The following ARID1B variants were observed in gnomAD, a reference collection of about 807,000 sequenced individuals.
ARID1B encodes the protein AT-rich interaction domain 1B, also known as AT-rich interactive domain-containing protein 1B.
A neutral mutation model predicts 212.3 loss-of-function variants in ARID1B; 30 were observed. That is an observed-to-expected ratio of 0.14 (90% CI 0.11 to 0.19). The LOEUF is 0.19. Ranked by LOEUF, ARID1B falls within the 10% of genes least tolerant of loss-of-function variation. The pLI is 1.00. For missense variants in ARID1B, 2,891 were observed against 3,204.0 expected (o/e 0.90, Z 2.36); for synonymous variants, 1,402 against 1,301.7 (o/e 1.08, Z -1.66).
intron 4 of ARID1B, among the ~76,000 whole-genome samples, chr6:156,950,342 T>C (rs1372895721): frequency 6.6e-6 from 1 of 152,222 alleles, no homozygotes; most frequent in Non-Finnish European, 1.5e-5. Flanking sequence ...CCATGAAGGA[T>C]AACACAGGTC....
chr6:156,854,576 C>G (rs1784786515), intron 2 of ARID1B, among the ~76,000 whole-genome samples: 1 of 152,196 alleles, frequency 6.6e-6, no homozygotes, highest in Non-Finnish European at 1.5e-5. Context: ...TCAAAATTGA[C>G]AAAATTGTCT....
chr6:156,907,176 C>T (rs1789465890), intron 3 of ARID1B, among the ~76,000 whole-genome samples: 1 of 152,150 alleles, frequency 6.6e-6, no homozygotes, highest in Admixed American at 6.5e-5. Flanking sequence ...TGAAGGCTTC[C>T]AGCATTTTGT....
intron 4 of ARID1B, among the ~76,000 whole-genome samples, chr6:157,028,373 A>G (rs1780799169): frequency 6.6e-6 from 1 of 152,236 alleles, no homozygotes; most frequent in Admixed American, 6.5e-5. Context: ...AAAATCAATC[A>G]TGTAGAAATA....
intron 2 of ARID1B, among the ~76,000 whole-genome samples, chr6:156,873,751 C>T (rs769216888): frequency 3.3e-5 from 5 of 152,188 alleles, no homozygotes; most frequent in African/African-American, 4.8e-5. Context: ...AAGGATGGCC[C>T]GGTCTTCCCC....
intron 5 of ARID1B, among the ~76,000 whole-genome samples, chr6:157,101,780 C>T (rs1027532652): frequency 5.9e-5 from 9 of 152,032 alleles, no homozygotes; most frequent in African/African-American, 1.7e-4. Context: ...AGTCAGCTAA[C>T]GTAGGAAAAT....
rs748312179 is a variant in ARID1B at position 157,208,985 on chromosome 6, T to C, written c.*1094T>C. 1.3e-5 allele frequency: 3 copies of C among 230,080 alleles called. No individual in the cohort carries two copies. The highest frequency in any genetic ancestry group is 2.6e-5 in the Non-Finnish European group (3 of 116,320). The allele number at this position is 230,080 out of a possible 1,614,324, so 14.3% of individuals were successfully genotyped here. A position where few individuals can be genotyped will look rare whatever the true frequency, so the allele number is the denominator to read the frequency against. On this transcript the variant is annotated 3_prime_UTR_variant, in exon 20 of 20. Transcript: ENST00000636930. ...TTCATGAATCAAGGTGTGGAAATGG[T>C]TATATATGGATTGATTTAGAAAATG...
intron 12 of ARID1B, among the ~76,000 whole-genome samples, chr6:157,183,678 G>A (rs147750939): frequency 1.5e-3 from 231 of 152,322 alleles, no homozygotes; most frequent in African/African-American, 4.9e-3. Flanking sequence ...CACCTGCCCC[G>A]TCAGCAGGGC....
intron 3 of ARID1B, among the ~76,000 whole-genome samples, chr6:156,926,796 C>G (rs902042969): frequency 6.6e-6 from 1 of 152,298 alleles, no homozygotes. Flanking sequence ...ATTCTCCTGC[C>G]TCAGCTTCCC....
At chr6:157,149,463 C>T (rs1275880916) in intron 8 of ARID1B, 1 of 153,232 alleles carries the variant, frequency 6.5e-6, no homozygotes, top group African/African-American at 2.4e-5. Context: ...ATATACTTGA[C>T]ATTCTTATGT....
chr6:157,026,767 C>T (rs988635129), intron 4 of ARID1B, among the ~76,000 whole-genome samples: 1 of 152,144 alleles, frequency 6.6e-6, no homozygotes, highest in African/African-American at 2.4e-5. Context: ...TGTCCTACCT[C>T]GGTCTCTTTA....
At chr6:157,057,381 CTT>C (rs1783034183) in intron 4 of ARID1B, among the ~76,000 whole-genome samples, 1 of 152,028 alleles carries the variant, frequency 6.6e-6, no homozygotes, top group Admixed American at 6.5e-5. Context: ...TATCCTTTAT[CTT>C]TTAAAAAAAT....
At chr6:156,971,217 A>G (rs188780087) in intron 4 of ARID1B, among the ~76,000 whole-genome samples, 8 of 152,298 alleles carry the variant, frequency 5.3e-5, no homozygotes, top group African/African-American at 1.9e-4. Flanking sequence ...GTCTTGGAAA[A>G]AATATGTTCT....
intron 4 of ARID1B, among the ~76,000 whole-genome samples, chr6:156,967,967 G>A (rs1157838505): frequency 3.3e-5 from 5 of 152,126 alleles, no homozygotes; most frequent in Admixed American, 2.6e-4. Flanking sequence ...GACTTTCGGG[G>A]TACTGAATTT....
chr6:157,002,722 A>G (rs778916947), intron 4 of ARID1B, among the ~76,000 whole-genome samples: 8 of 152,248 alleles, frequency 5.3e-5, no homozygotes, highest in Non-Finnish European at 1.0e-4. Flanking sequence ...TTTGTTGAGC[A>G]TCTGCTGTGT....
At chr6:156,856,834 T>C (rs2128119868) in intron 2 of ARID1B, among the ~76,000 whole-genome samples, 1 of 79,512 alleles carries the variant, frequency 1.3e-5, no homozygotes, top group Non-Finnish European at 2.8e-5. Context: ...TGTGACAAAA[T>C]ATAAGGGGAA....
At chr6:157,043,381 T>G (rs1224317846) in intron 4 of ARID1B, among the ~76,000 whole-genome samples, 2 of 152,188 alleles carry the variant, frequency 1.3e-5, no homozygotes, top group Admixed American at 6.5e-5. Context: ...TCCTCAGAGC[T>G]CAACAGTTCT....
At chr6:156,781,150 A>G (rs528457334) in intron 1 of ARID1B, among the ~76,000 whole-genome samples, 2 of 152,326 alleles carry the variant, frequency 1.3e-5, no homozygotes, top group Admixed American at 1.3e-4. Flanking sequence ...TATTTAAAAA[A>G]CGAAATGAGG....
chr6:157,169,644 T>A (rs1012591592), intron 9 of ARID1B: 2 of 152,134 alleles, frequency 1.3e-5, no homozygotes, highest in African/African-American at 4.8e-5. Context: ...ATTGGTTAGG[T>A]TTTACTTATT....
intron 6 of ARID1B, among the ~76,000 whole-genome samples, chr6:157,120,212 G>A (rs1787614814): frequency 6.6e-6 from 1 of 152,190 alleles, no homozygotes; most frequent in Non-Finnish European, 1.5e-5. Flanking sequence ...AGGAATGACT[G>A]GATCTTCTGT....
Sources: gnomAD v4.1 joint callset for allele counts (sites outside exome capture counted in the v4.1 genomes callset) on GRCh38, gnomAD v4.1.1 for gene constraint, MANE v1.5 for transcripts, NCBI Gene and HGNC (gene_info 2026-07-23, HGNC 2026-07-21) for gene names.